The following ARSH variants were observed in gnomAD, a reference collection of about 807,000 sequenced individuals.
The protein encoded by ARSH is arylsulfatase H.
In ARSH, 32 loss-of-function variants were observed where a neutral mutation model predicts 28.7. The observed-to-expected ratio is 1.11, with a 90% CI of 0.84 to 1.50. The LOEUF is 1.50. Ranked by LOEUF, ARSH falls within the 40% of genes most tolerant of loss-of-function variation. The probability of loss-of-function intolerance (pLI) is 0.00; values close to 1 mark genes in which losing one functional copy is unlikely to be tolerated. For synonymous variants in ARSH, 176 were observed against 177.3 expected (o/e 0.99, Z 0.06); for missense variants, 440 against 452.4 (o/e 0.97, Z 0.25).
At chrX:3,013,884 T>G (rs1050675909) in intron 3 of ARSH, among the ~76,000 whole-genome samples, 2 of 111,680 alleles carry the variant, frequency 1.8e-5, no homozygotes, top group Non-Finnish European at 3.8e-5. Context: ...GGGAATTCTC[T>G]AGATTAGCTT....
chrX:3,008,502 T>TTTC (rs1293981443), intron 1 of ARSH, among the ~76,000 whole-genome samples: 71 of 100,492 alleles, frequency 7.1e-4, no homozygotes, highest in African/African-American at 2.6e-3. Context: ...TCTTTCTTTC[T>TTTC]TTCTTTCTTT....
Position 3,010,116 on chromosome X carries a change from C to A in ARSH, c.179C>A (p.Ala60Asp), listed in dbSNP as rs777553161. ...AAASMCTPSR[A>D]AFLTGRYPIR... Reference sequence around the variant, plus strand: ...GCTTCCATGTGCACCCCAAGTCGGGCTGCCTTCCTGACCGGCCGGTACCCC... The same window carrying A: ...GCTTCCATGTGCACCCCAAGTCGGGATGCCTTCCTGACCGGCCGGTACCCC... The change falls in exon 2 of 9, where the codon GCT becomes GAT. Residue 60 changes from alanine to aspartate, a missense_variant. Ala to Asp is a moderately radical substitution (Grantham distance 126). Transcript: ENST00000381130. 13 of 1,211,582 alleles carry A rather than the reference C, an allele frequency of 1.1e-5. No homozygotes were observed. The highest frequency in any genetic ancestry group is 1.0e-5 in the Non-Finnish European group (9 of 895,282).
intron 6 of ARSH, among the ~76,000 whole-genome samples, chrX:3,026,513 G>C (rs2089899168): frequency 9.0e-6 from 1 of 111,624 alleles, no homozygotes; most frequent in Non-Finnish European, 1.9e-5. Context: ...CATAGGAAGA[G>C]ACCTTTTCCT....
intron 6 of ARSH, 127 bp downstream of exon 6, chrX:3,024,282 T>A: frequency 4.3e-6 from 3 of 691,065 alleles, no homozygotes; most frequent in Non-Finnish European, 3.8e-6. Context: ...CTTATTAAGC[T>A]AGACCGAAAA....
At chrX:3,019,536 C>T (rs147091153) in intron 5 of ARSH, among the ~76,000 whole-genome samples, 366 of 111,106 alleles carry the variant, frequency 3.3e-3, no homozygotes, top group African/African-American at 0.011. Context: ...TGCCCACCCC[C>T]GCCTCTATGT....
chrX:3,008,981 C>G (rs1427100240), intron 1 of ARSH, among the ~76,000 whole-genome samples: 2 of 110,236 alleles, frequency 1.8e-5, no homozygotes, highest in Non-Finnish European at 3.8e-5. Flanking sequence ...TTTTTTTTAA[C>G]CTATAAGTTT....
At chrX:3,010,884 T>C (rs1028760687) in intron 2 of ARSH, among the ~76,000 whole-genome samples, 2 of 112,043 alleles carry the variant, frequency 1.8e-5, no homozygotes, top group Admixed American at 9.5e-5. Context: ...CCTTCACAGT[T>C]TAATTTTTCA....
Position 3,006,574 on chromosome X carries a change from T to G in ARSH, c.-39T>G. The stretch of plus-strand genomic sequence containing the variant: ...TTTCAGGAGCTGCTGGCTGTCAGTG[T>G]CCCTGTGCTGTTTGTTTTGCGGTGT... On this transcript the variant is annotated 5_prime_UTR_variant, in exon 1 of 9. Coordinates refer to ENST00000381130, the MANE Select transcript of ARSH (RefSeq NM_001011719.2). 8.9e-7 allele frequency: 1 copy of G among 1,120,212 alleles called. No homozygotes were observed. The highest frequency in any genetic ancestry group is 1.2e-6 in the Non-Finnish European group (1 of 813,670). 92.3% of individuals were successfully genotyped at this position (1,120,212 alleles called of 1,213,427 possible).
At chrX:3,012,926 C>T in intron 2 of ARSH, 121 bp from the exon 3 acceptor site, 4 of 894,502 alleles carry the variant, frequency 4.5e-6, no homozygotes, top group East Asian at 3.4e-5. Context: ...CAGAAAGCAA[C>T]AGAAAACTTG....
At position 3,015,256 on chromosome X, in the gene ARSH, T is replaced by C; in HGVS notation, c.627T>C (p.Thr209=). The C allele has an allele frequency of 1.7e-6, 2 of 1,211,479 alleles. No individual in the cohort carries two copies. Among genetic ancestry groups the C allele is most frequent in the South Asian group, 3.5e-5 (2 of 56,891 alleles). The part of the protein sequence containing the change: ...VFALLAFLFF[T]SWYSSYGFTR... Reference sequence around the variant, plus strand: ...CTCTCCTCGCCTTTCTGTTTTTCACTTCCTGGTACTCTAGTTATGGATTTA... The same window carrying C: ...CTCTCCTCGCCTTTCTGTTTTTCACCTCCTGGTACTCTAGTTATGGATTTA... The change falls in exon 4 of 9, where the codon ACT becomes ACC. Residue 209 remains threonine (T), a synonymous_variant. Coordinates refer to ENST00000381130, the MANE Select transcript of ARSH (RefSeq NM_001011719.2).
At chrX:3,009,940 A>G in intron 1 of ARSH, 90 bp from the exon 2 acceptor site, 1 of 1,084,049 alleles carries the variant, frequency 9.2e-7, no homozygotes, top group Non-Finnish European at 1.3e-6. Context: ...AATAGAGTCA[A>G]CTTGACCCAA....
chrX:3,025,213 T>C (rs1034159529), intron 6 of ARSH, among the ~76,000 whole-genome samples: 1 of 107,774 alleles, frequency 9.3e-6, no homozygotes, highest in Non-Finnish European at 1.9e-5. Context: ...CTATATTCAT[T>C]ATATATAATA....
rs372589027 is a variant in ARSH at position 3,007,472 on chromosome X, G to A, written c.92+768G>A. Among the ~76,000 whole-genome samples the A allele has an allele frequency of 5.8e-4, 64 of 111,213 alleles. 2 individuals are homozygous for A. The South Asian group carries it at 0.021, about 36-fold the overall frequency. ...TCATATAAAGTATTTATTTTCTCAG[G>A]CTGCCGTGACAAAGGTCCACAGACT... On this transcript the variant is annotated intron_variant, in intron 1 of 8. Coordinates refer to ENST00000381130, the MANE Select transcript of ARSH (RefSeq NM_001011719.2).
intron 2 of ARSH, among the ~76,000 whole-genome samples, chrX:3,012,568 A>AATATATATATATAT: frequency 4.6e-5 from 1 of 21,812 alleles, no homozygotes; most frequent in African/African-American, 2.5e-4. Flanking sequence ...AAAAAAAAAA[A>AATATATATATATAT]ATATATATAT....
intron 8 of ARSH, among the ~76,000 whole-genome samples, chrX:3,032,591 AGGAGGGAGGGAGAGACAGAAGAG>A (rs2089917526): frequency 3.8e-5 from 4 of 106,467 alleles, no homozygotes; most frequent in African/African-American, 1.4e-4. Context: ...GGAAGGGAAG[AGGAGGGAGGGAGAGACAGAAGAG>A]GGAGGGAGAA....
At chrX:3,012,591 AT>A (rs1569122666) in intron 2 of ARSH, among the ~76,000 whole-genome samples, 35 of 16,713 alleles carry the variant, frequency 2.1e-3, no homozygotes, top group African/African-American at 7.4e-3. Flanking sequence ...ATATATATAT[AT>A]ATATATAATA....
intron 2 of ARSH, among the ~76,000 whole-genome samples, chrX:3,011,025 C>T (rs2089845100): frequency 9.0e-6 from 1 of 110,833 alleles, no homozygotes; most frequent in Admixed American, 9.7e-5. Flanking sequence ...AAGTTTTTGT[C>T]CCATAAATAT....
At chrX:3,013,962 ACT>A (rs2089858711) in intron 3 of ARSH, among the ~76,000 whole-genome samples, 1 of 111,457 alleles carries the variant, frequency 9.0e-6, no homozygotes, top group Non-Finnish European at 1.9e-5. Context: ...CATTAATGTG[ACT>A]CAGGCTTCTG....
chrX:3,023,274 T>C lies in ARSH; in HGVS notation c.902-747T>C, dbSNP rs1269460908. ...ATATTTATATAAAGATATAAATTTA[T>C]GATAAAATTTAATATATTAATTAGA... On this transcript the variant is annotated intron_variant, in intron 5 of 8. Coordinates refer to ENST00000381130, the MANE Select transcript of ARSH (RefSeq NM_001011719.2). Among the ~76,000 whole-genome samples the C allele has an allele frequency of 5.7e-5, 6 of 104,947 alleles. No homozygotes were observed. In the Admixed American group the frequency reaches 6.4e-4, roughly 11 times the overall value. 91.1% of individuals were successfully genotyped at this position (104,947 alleles called of 115,157 possible).
Sources: allele counts gnomAD v4.1 joint callset (sites outside exome capture counted in the v4.1 genomes callset), GRCh38; gene constraint gnomAD v4.1.1; transcripts MANE v1.5; gene names NCBI Gene and HGNC (gene_info 2026-07-23, HGNC 2026-07-21).